Variants in INCENP observed in about 807,000 individuals in gnomAD.
INCENP encodes the protein inner centromere protein.
A neutral mutation model predicts 107.3 loss-of-function variants in INCENP; 43 were observed. That is an observed-to-expected ratio of 0.40 (90% confidence interval 0.31 to 0.52). The LOEUF is 0.52. Among genes scored for constraint, INCENP ranks in the 20% least tolerant of loss-of-function variants. The pLI, the probability that INCENP is intolerant of heterozygous loss-of-function variation, is 0.53. For missense variants in INCENP, 1,089 were observed against 1,250.9 expected (o/e 0.87, Z 1.95); for synonymous variants, 488 against 494.4 (o/e 0.99, Z 0.17).
intron 4 of INCENP, among the ~76,000 whole-genome samples, chr11:62,134,012 A>G (rs75798539): frequency 0.011 from 1,669 of 152,160 alleles, 32 homozygotes; most frequent in African/African-American, 0.035. Flanking sequence ...GTTCCCCAAA[A>G]AAGCCTCTTT....
intron 7 of INCENP, 114 bp downstream of exon 7, chr11:62,139,119 T>G: frequency 1.4e-6 from 1 of 731,794 alleles, no homozygotes; most frequent in Non-Finnish European, 2.4e-6. Context: ...GCCAGTAGGC[T>G]AAAGAGAAAT....
chr11:62,142,178 A>G (rs1393527491), intron 11 of INCENP, among the ~76,000 whole-genome samples: 1 of 152,202 alleles, frequency 6.6e-6, no homozygotes, highest in Non-Finnish European at 1.5e-5. Context: ...CAGACACCTC[A>G]TTCCTTTAGT....
rs150100096 is a variant in INCENP at position 62,138,383 on chromosome 11, A to G, written c.1116-330A>G. On this transcript the variant is annotated intron_variant, in intron 5 of 18. Coordinates refer to ENST00000394818, the MANE Select transcript of INCENP (RefSeq NM_001040694.2). ...TGGCCTTGCCAGCCCCATGGTGAAT[A>G]GAGAACAGACCACAAAAGAGATGCA... is the stretch of plus-strand genomic sequence containing the variant. Among the ~76,000 whole-genome samples the G allele has an allele frequency of 4.5e-3, 689 of 152,346 alleles. 4 individuals are homozygous for G. The highest frequency in any genetic ancestry group is 0.016 in the African/African-American group (648 of 41,578).
chr11:62,145,893 G>C lies in INCENP; in HGVS notation c.1959+142G>C, dbSNP rs571907210. 48 of 1,043,818 alleles carry C rather than the reference G, an allele frequency of 4.6e-5. No individual in the cohort carries two copies. In the African/African-American group the frequency reaches 7.5e-4, roughly 16 times the overall value. 64.7% of individuals were successfully genotyped at this position (1,043,818 alleles called of 1,614,324 possible). Reference sequence around the variant, plus strand: ...TTCATGCTAAGAAGGAGGTTTCCCAGAAGTCTCCAGGGCGGGGATGGTGAC... The same window carrying C: ...TTCATGCTAAGAAGGAGGTTTCCCACAAGTCTCCAGGGCGGGGATGGTGAC... On this transcript the variant is annotated intron_variant, in intron 14 of 18. Transcript: ENST00000394818.
intron 1 of INCENP, among the ~76,000 whole-genome samples, chr11:62,127,419 A>G (rs12418839): frequency 0.044 from 6,703 of 152,324 alleles, 168 homozygotes; most frequent in Non-Finnish European, 0.05. Flanking sequence ...CTCTTGCTCA[A>G]TGCTTGTAGG....
intron 18 of INCENP, among the ~76,000 whole-genome samples, chr11:62,150,509 C>A (rs1944351279): frequency 6.6e-6 from 1 of 152,170 alleles, no homozygotes; most frequent in African/African-American, 2.4e-5. Context: ...TGGACTAGGC[C>A]CTTCCTTAGA....
intron 4 of INCENP, among the ~76,000 whole-genome samples, chr11:62,134,912 G>A (rs573850057): frequency 7.9e-5 from 12 of 151,958 alleles, no homozygotes; most frequent in African/African-American, 2.7e-4. Flanking sequence ...TTATCTGGGC[G>A]TGGTGGCACG....
In INCENP at chr11:62,129,947, AC is replaced by A; in HGVS notation, c.422del (p.Pro141LeufsTer12). The A allele has an allele frequency of 6.2e-7, 1 of 1,614,012 alleles. No individual in the cohort carries two copies. Among genetic ancestry groups the A allele is most frequent in the Non-Finnish European group, 8.5e-7 (1 of 1,180,018 alleles). On this transcript the variant is annotated frameshift_variant, in exon 4 of 19. Coordinates refer to ENST00000394818, the MANE Select transcript of INCENP (RefSeq NM_001040694.2). ...AAAATMALAA[P>X]SSPTPESPTM... ...CCGCGGCTACCATGGCATTGGCTGC[AC>A]CTTCTTCACCCACCCCTGAGTCTCC...
chr11:62,126,635 C>A (rs1445267771), intron 1 of INCENP, among the ~76,000 whole-genome samples: 1 of 152,196 alleles, frequency 6.6e-6, no homozygotes, highest in Non-Finnish European at 1.5e-5. Flanking sequence ...ATTTAATGAG[C>A]CCCTGTTGTG....
chr11:62,148,022 G>T (rs984525463), intron 15 of INCENP, among the ~76,000 whole-genome samples: 1 of 152,182 alleles, frequency 6.6e-6, no homozygotes, highest in African/African-American at 2.4e-5. Flanking sequence ...GAGGTTAAAT[G>T]ACATGTTCAA....
intron 11 of INCENP, chr11:62,141,714 C>T (rs995017180): frequency 4.3e-6 from 3 of 694,348 alleles, no homozygotes; most frequent in Non-Finnish European, 7.6e-6. Context: ...TCTCTGCCCT[C>T]CCTGCCCTTG....
chr11:62,131,365 G>C (rs1943890018), intron 4 of INCENP, among the ~76,000 whole-genome samples: 1 of 152,216 alleles, frequency 6.6e-6, no homozygotes, highest in Non-Finnish European at 1.5e-5. Flanking sequence ...AGGGTGCCTG[G>C]CATATAGGAA....
rs766470825 is a variant in INCENP at position 62,129,916 on chromosome 11, C to T, written c.389C>T (p.Ala130Val). Residue 130 changes from alanine to valine, a missense_variant, in exon 4 of 19, where the codon GCA becomes GTA. Ala to Val is a moderately conservative substitution (Grantham distance 64, BLOSUM62 0). Transcript: ENST00000394818. The stretch of plus-strand genomic sequence containing the variant: ...CGGCGTGTGACCCGTGCTGCGGCTG[C>T]AGCTGCCGCGGCTACCATGGCATTG... The part of the protein sequence containing the change: ...VLRRVTRAAA[A>V]AAAATMALAA... 6.2e-7 allele frequency: 1 copy of T among 1,613,156 alleles called. No homozygotes were observed. Among genetic ancestry groups the T allele is most frequent in the Non-Finnish European group, 8.5e-7 (1 of 1,179,996 alleles).
intron 1 of INCENP, among the ~76,000 whole-genome samples, 183 bp downstream of exon 1, chr11:62,124,346 A>G (rs559184242): frequency 7.1e-4 from 108 of 152,182 alleles, no homozygotes; most frequent in Middle Eastern, 3.4e-3. Flanking sequence ...CGGGCCCGAG[A>G]TGCCTCCCAC....
At chr11:62,146,942 T>G in intron 15 of INCENP, 40 bp downstream of exon 15, 2 of 1,593,744 alleles carry the variant, frequency 1.3e-6, no homozygotes, top group South Asian at 2.2e-5. Flanking sequence ...CTTCCATGTG[T>G]GTGGAAGAGA....
At chr11:62,140,449 T>C (rs1170991617) in intron 8 of INCENP, among the ~76,000 whole-genome samples, 164 bp downstream of exon 8, 24 of 152,100 alleles carry the variant, frequency 1.6e-4, no homozygotes. Flanking sequence ...CTCCATGCTG[T>C]GGATGAGCGC....
chr11:62,151,385 A>G (rs1944369250), intron 18 of INCENP, among the ~76,000 whole-genome samples: 1 of 152,194 alleles, frequency 6.6e-6, no homozygotes, highest in South Asian at 2.1e-4. Flanking sequence ...ATGGCATCCT[A>G]TGCTTAAGCT....
rs937590975 is a variant in INCENP at position 62,130,064 on chromosome 11, T to C, written c.537T>C (p.Ala179=). The change falls in exon 4 of 19, where the codon GCT becomes GCC. Residue 179 remains alanine, a synonymous_variant. Coordinates refer to ENST00000394818, the MANE Select transcript of INCENP (RefSeq NM_001040694.2). ...VEIGISERQN[A]EQHVTQLMST... ...TCGGCATCAGTGAGCGCCAGAATGCTGAGCAGCATGTCACCCAGCTCATGT... is the reference window on the plus strand; with the variant it reads ...TCGGCATCAGTGAGCGCCAGAATGCCGAGCAGCATGTCACCCAGCTCATGT... 2.5e-6 allele frequency: 4 copies of C among 1,613,768 alleles called. No individual in the cohort carries two copies. The highest frequency in any genetic ancestry group is 1.7e-5 in the Admixed American group (1 of 60,000).
chr11:62,135,326 G>A (rs964075954), intron 4 of INCENP, among the ~76,000 whole-genome samples: 15 of 152,000 alleles, frequency 9.9e-5, no homozygotes, highest in Non-Finnish European at 1.9e-4. Flanking sequence ...GGAGTGCAGT[G>A]GTGCGATCTC....
Sources: allele counts gnomAD v4.1 joint callset (sites outside exome capture counted in the v4.1 genomes callset), GRCh38; gene constraint gnomAD v4.1.1; transcripts MANE v1.5; gene names NCBI Gene and HGNC (gene_info 2026-07-23, HGNC 2026-07-21).